The following CACNB2 variants were observed in gnomAD, a reference collection of about 807,000 sequenced individuals.
CACNB2 encodes the protein voltage-dependent L-type calcium channel subunit beta-2.
A neutral mutation model predicts 73.3 loss-of-function variants in CACNB2; 42 were observed. The observed-to-expected ratio is 0.57, with a 90% CI of 0.45 to 0.74. CACNB2 has a LOEUF of 0.74. Ranked by LOEUF, CACNB2 falls within the 30% of genes least tolerant of loss-of-function variation. The pLI is 0.00. For missense variants in CACNB2, 940 were observed against 853.0 expected (o/e 1.10, Z -1.27); for synonymous variants, 348 against 310.3 (o/e 1.12, Z -1.28).
At chr10:18,419,345 G>C (rs1330380205) in intron 3 of CACNB2, among the ~76,000 whole-genome samples, 1 of 33,634 alleles carries the variant, frequency 3.0e-5, no homozygotes, top group African/African-American at 1.8e-4. Context: ...TGACACTGTG[G>C]TGTATGTTAG....
chr10:18,255,637 G>C (rs1343119112), intron 2 of CACNB2, among the ~76,000 whole-genome samples: 2 of 152,176 alleles, frequency 1.3e-5, no homozygotes, highest in Non-Finnish European at 2.9e-5. Context: ...TGAATGGATG[G>C]ATAGAGACAG....
intron 2 of CACNB2, among the ~76,000 whole-genome samples, chr10:18,276,353 T>C (rs2038286500): frequency 1.3e-5 from 2 of 152,286 alleles, no homozygotes; most frequent in South Asian, 4.2e-4. Context: ...CAAATGGCAG[T>C]TCTGTATATA....
chr10:18,359,994 T>C (rs1406711038), intron 2 of CACNB2, among the ~76,000 whole-genome samples: 1 of 152,292 alleles, frequency 6.6e-6, no homozygotes, highest in East Asian at 1.9e-4. Context: ...ACATAGGAAC[T>C]GGACTCTATA....
chr10:18,281,561 G>A (rs7906604), intron 2 of CACNB2, among the ~76,000 whole-genome samples: 120,510 of 152,088 alleles, frequency 0.79, 48,005 homozygotes, highest in East Asian at 0.99. Context: ...CTTCCCTTCC[G>A]TTCTTTCCAC....
intron 3 of CACNB2, among the ~76,000 whole-genome samples, chr10:18,487,444 T>G (rs916628260): frequency 3.9e-5 from 6 of 152,182 alleles, no homozygotes; most frequent in Non-Finnish European, 5.9e-5. Context: ...CTGAAATAAT[T>G]TATTTCTAGC....
At position 18,540,623 on chromosome 10, in the gene CACNB2, C is replaced by CATACAGTTCACACTG. The variant is rs1481695307; in HGVS notation, c.*902_*916dup. 1 of 152,472 alleles carries CATACAGTTCACACTG rather than the reference C, an allele frequency of 6.6e-6. No individual in the cohort carries two copies. Among genetic ancestry groups the CATACAGTTCACACTG allele is most frequent in the African/African-American group, 2.4e-5 (1 of 41,390 alleles). 9.4% of individuals were successfully genotyped at this position (152,472 alleles called of 1,614,324 possible). A position where few individuals can be genotyped will look rare whatever the true frequency, so the allele number is the denominator to read the frequency against. On this transcript the variant is annotated 3_prime_UTR_variant, in exon 14 of 14. Coordinates refer to ENST00000324631, the MANE Select transcript of CACNB2 (RefSeq NM_201596.3). ...TAAAACTCCAGAGGTTGTTCTACTC[C>CATACAGTTCACACTG]ATACAGTTCACACTGATTGTGACAC...
rs1384489270 is a variant in CACNB2, at chr10:18,443,020, A to ATATGTG, written c.333+40980_333+40981insGTGTAT. ...TATGTGTATATATATATATGTATAT[A>ATATGTG]TATATATATATATATAAATAAGGAA... On this transcript the variant is annotated intron_variant, in intron 3 of 13. Coordinates refer to ENST00000324631, the MANE Select transcript of CACNB2 (RefSeq NM_201596.3). Among the ~76,000 whole-genome samples, 8 of 107,086 alleles carry ATATGTG rather than the reference A, an allele frequency of 7.5e-5. 1 individual carries two copies. Among genetic ancestry groups the ATATGTG allele is most frequent in the Admixed American group, 2.0e-4 (2 of 9,800 alleles). The allele number at this position is 107,086 out of a possible 152,430, so 70.3% of individuals were successfully genotyped here.
At chr10:18,451,003 G>A (rs2046997544) in intron 3 of CACNB2, among the ~76,000 whole-genome samples, 1 of 152,140 alleles carries the variant, frequency 6.6e-6, no homozygotes, top group Non-Finnish European at 1.5e-5. Context: ...ACATATTTCA[G>A]CAGCTAGGAT....
chr10:18,191,814 C>G lies in CACNB2; in HGVS notation c.213+40839C>G, dbSNP rs189913977. Among the ~76,000 whole-genome samples the G allele has an allele frequency of 1.1e-3, 163 of 152,150 alleles. 1 individual carries two copies. Among genetic ancestry groups the G allele is most frequent in the Middle Eastern group, 6.8e-3 (2 of 294 alleles). ...GTAGTATTCAGTTGTATAAATATAC[C>G]ACAGTTTTTTTATGCACTCATTGAT... On this transcript the variant is annotated intron_variant, in intron 2 of 13. Transcript: ENST00000324631.
chr10:18,391,480 T>G (rs1359865826), intron 2 of CACNB2, among the ~76,000 whole-genome samples: 1 of 152,178 alleles, frequency 6.6e-6, no homozygotes, highest in Non-Finnish European at 1.5e-5. Context: ...AAATGTTTGT[T>G]GAGCATGCAT....
intron 2 of CACNB2, among the ~76,000 whole-genome samples, chr10:18,257,604 G>A (rs765732718): frequency 5.3e-5 from 8 of 152,182 alleles, no homozygotes; most frequent in South Asian, 2.1e-4. Flanking sequence ...TTTCTCCCTC[G>A]CACTTTCCAC....
intron 2 of CACNB2, among the ~76,000 whole-genome samples, chr10:18,248,937 T>C (rs1307794426): frequency 6.6e-6 from 1 of 152,192 alleles, no homozygotes; most frequent in Non-Finnish European, 1.5e-5. Context: ...AAAAGACCAC[T>C]CTGGGCACTG....
Position 18,467,410 on chromosome 10 carries a change from G to T in CACNB2, c.334-30945G>T, listed in dbSNP as rs140260264. 2.5e-3 allele frequency among the ~76,000 whole-genome samples: 385 copies of T among 152,224 alleles called. 5 individuals are homozygous for T. Among genetic ancestry groups the T allele is most frequent in the African/African-American group, 8.9e-3 (371 of 41,522 alleles). On this transcript the variant is annotated intron_variant, in intron 3 of 13. Transcript: ENST00000324631. ...ACTTTGAGGTCCACAAATATTTATT[G>T]GTGTCTGGTGTATGCCAGCAACTGG...
chr10:18,464,418 T>TAAAAAAAAA (rs762982462), intron 3 of CACNB2, among the ~76,000 whole-genome samples: 24 of 85,294 alleles, frequency 2.8e-4, no homozygotes, highest in East Asian at 8.1e-4. Context: ...TCTCAAAAAT[T>TAAAAAAAAA]AAAAAAAAAA....
At chr10:18,224,980 G>A (rs563711648) in intron 2 of CACNB2, among the ~76,000 whole-genome samples, 7 of 152,138 alleles carry the variant, frequency 4.6e-5, no homozygotes, top group Admixed American at 1.3e-4. Context: ...CAAGGTGTCC[G>A]CGTGTTTCGC....
At chr10:18,370,758 A>G (rs1366969294) in intron 2 of CACNB2, among the ~76,000 whole-genome samples, 1 of 152,218 alleles carries the variant, frequency 6.6e-6, no homozygotes, top group Non-Finnish European at 1.5e-5. Flanking sequence ...TACATATCAT[A>G]ATTTTTAAAG....
chr10:18,350,170 AG>A (rs2041645511), intron 2 of CACNB2, among the ~76,000 whole-genome samples: 1 of 152,160 alleles, frequency 6.6e-6, no homozygotes, highest in South Asian at 2.1e-4. Context: ...GCTTGAACCC[AG>A]GAGATGGAGG....
chr10:18,204,127 G>A (rs772383320), intron 2 of CACNB2, among the ~76,000 whole-genome samples: 26 of 152,194 alleles, frequency 1.7e-4, no homozygotes, highest in Non-Finnish European at 3.8e-4. Flanking sequence ...CTTTTAAAGT[G>A]TTCATTTTGC....
At chr10:18,219,040 C>T (rs1437921793) in intron 2 of CACNB2, among the ~76,000 whole-genome samples, 1 of 152,060 alleles carries the variant, frequency 6.6e-6, no homozygotes, top group Non-Finnish European at 1.5e-5. Flanking sequence ...TGGTGTGCAC[C>T]TGTGGTCCTG....
Sources: gnomAD v4.1 joint callset for allele counts (sites outside exome capture counted in the v4.1 genomes callset) on GRCh38, gnomAD v4.1.1 for gene constraint, MANE v1.5 for transcripts, NCBI Gene and HGNC (gene_info 2026-07-23, HGNC 2026-07-21) for gene names.